LRRTM4: variants seen among roughly 807,000 people sequenced by gnomAD.
LRRTM4 encodes the protein leucine rich repeat transmembrane neuronal 4, also known as leucine-rich repeat transmembrane neuronal protein 4.
In LRRTM4, 25 loss-of-function variants were observed where a neutral mutation model predicts 47.6. The ratio of observed to expected loss-of-function variants is 0.53; its 90% CI spans 0.38 to 0.73. LRRTM4 has a LOEUF of 0.73. Among genes scored for constraint, LRRTM4 ranks in the 30% least tolerant of loss-of-function variants. LRRTM4 has a pLI of 0.00. For synonymous variants in LRRTM4, 311 were observed against 269.5 expected (o/e 1.15, Z -1.51); for missense variants, 638 against 713.4 (o/e 0.89, Z 1.20).
intron 3 of LRRTM4, among the ~76,000 whole-genome samples, chr2:77,472,528 T>G (rs1304511251): frequency 2.0e-5 from 3 of 152,038 alleles, no homozygotes; most frequent in Non-Finnish European, 4.4e-5. Context: ...CTTTTTTTTT[T>G]TCATCATTAT....
chr2:76,987,085 T>A lies in LRRTM4; in HGVS notation c.1552-238169A>T, dbSNP rs941743299. ...AATCTGGAGTATTTTCGAAGAATGA[T>A]ATGGGTTAGGAATAACAATTCTTAT... On this transcript the variant is annotated intron_variant, in intron 3 of 3. Transcript: ENST00000409884. Among the ~76,000 whole-genome samples the A allele has an allele frequency of 3.9e-5, 6 of 151,956 alleles. No individual in the cohort carries two copies. The East Asian group carries it at 7.7e-4, about 20-fold the overall frequency.
intron 3 of LRRTM4, among the ~76,000 whole-genome samples, chr2:77,018,785 G>A (rs1678164455): frequency 6.6e-6 from 1 of 152,126 alleles, no homozygotes; most frequent in East Asian, 1.9e-4. Context: ...GTTCTTTGAT[G>A]AAGTGTAACT....
At chr2:77,265,138 A>T (rs1457161829) in intron 3 of LRRTM4, among the ~76,000 whole-genome samples, 4 of 152,136 alleles carry the variant, frequency 2.6e-5, no homozygotes, top group Non-Finnish European at 5.9e-5. Context: ...GGAAAAATGC[A>T]TCAAGGCTAT....
At position 76,928,035 on chromosome 2, in the gene LRRTM4, A is replaced by G. The variant is rs1464339905; in HGVS notation, c.1552-179119T>C. Among the ~76,000 whole-genome samples the G allele has an allele frequency of 9.2e-5, 14 of 152,100 alleles. 1 individual carries two copies. The highest frequency in any genetic ancestry group is 3.3e-4 in the Admixed American group (5 of 15,240). On this transcript the variant is annotated intron_variant, in intron 3 of 3. Transcript: ENST00000409884. ...TGTCCCAATTGCCTTTCTAAATTTC[A>G]TGCTCCTGTAAGGCAGAGAATGTGC...
chr2:76,889,847 G>C (rs1458898750), intron 3 of LRRTM4, among the ~76,000 whole-genome samples: 3 of 151,756 alleles, frequency 2.0e-5, no homozygotes, highest in Middle Eastern at 3.2e-3. Context: ...AAGAGGGAGA[G>C]AGAGAGGTGA....
chr2:76,903,157 G>A (rs1198903070), intron 3 of LRRTM4, among the ~76,000 whole-genome samples: 5 of 152,196 alleles, frequency 3.3e-5, no homozygotes, highest in East Asian at 1.9e-4. Flanking sequence ...GGATCAAGAG[G>A]TCAGGAGATC....
intron 3 of LRRTM4, among the ~76,000 whole-genome samples, chr2:77,058,610 A>G (rs1314934557): frequency 6.6e-6 from 1 of 151,890 alleles, no homozygotes; most frequent in Non-Finnish European, 1.5e-5. Flanking sequence ...TCATCATTGT[A>G]TTCCCAATAT....
intron 3 of LRRTM4, among the ~76,000 whole-genome samples, chr2:77,212,365 T>C (rs904754218): frequency 1.3e-5 from 2 of 150,524 alleles, no homozygotes; most frequent in Non-Finnish European, 3.0e-5. Flanking sequence ...GATATATATA[T>C]ATATATAGTG....
chr2:77,325,866 C>T (rs1474461730), intron 3 of LRRTM4, among the ~76,000 whole-genome samples: 1 of 152,136 alleles, frequency 6.6e-6, no homozygotes, highest in Non-Finnish European at 1.5e-5. Context: ...TTCTGAAGAG[C>T]TTCAGGACAC....
At chr2:77,071,886 T>G (rs72807215) in intron 3 of LRRTM4, among the ~76,000 whole-genome samples, 6,032 of 152,238 alleles carry the variant, frequency 0.04, 238 homozygotes, top group African/African-American at 0.095. Context: ...CCAAGCTTCA[T>G]CTACATACCA....
At chr2:77,052,876 G>A (rs994689461) in intron 3 of LRRTM4, among the ~76,000 whole-genome samples, 1 of 151,658 alleles carries the variant, frequency 6.6e-6, no homozygotes, top group East Asian at 1.9e-4. Context: ...TTTTCTTCAG[G>A]GCATATACAA....
intron 3 of LRRTM4, among the ~76,000 whole-genome samples, chr2:76,974,164 A>ATG (rs1676320694): frequency 7.6e-6 from 1 of 132,242 alleles, no homozygotes; most frequent in Non-Finnish European, 1.5e-5. Context: ...ACATATATAT[A>ATG]TATACATACA....
intron 3 of LRRTM4, among the ~76,000 whole-genome samples, chr2:77,054,310 A>T (rs1476370344): frequency 6.6e-6 from 1 of 152,210 alleles, no homozygotes; most frequent in Non-Finnish European, 1.5e-5. Context: ...TACATTGTAC[A>T]TTGTTCAAAA....
chr2:77,049,157 T>TATATATATATATATAC (rs1351971551), intron 3 of LRRTM4, among the ~76,000 whole-genome samples: 6 of 106,344 alleles, frequency 5.6e-5, no homozygotes, highest in African/African-American at 1.0e-4. Context: ...TATATATATA[T>TATATATATATATATAC]ACACACACAC....
intron 3 of LRRTM4, among the ~76,000 whole-genome samples, chr2:76,879,929 G>C (rs571829038): frequency 6.6e-6 from 1 of 152,222 alleles, no homozygotes; most frequent in East Asian, 1.9e-4. Flanking sequence ...TGGAAACAGC[G>C]TAAGAACTAG....
At chr2:77,401,820 TG>T (rs1673971004) in intron 3 of LRRTM4, among the ~76,000 whole-genome samples, 1 of 152,068 alleles carries the variant, frequency 6.6e-6, no homozygotes, top group South Asian at 2.1e-4. Context: ...GTCTGTAACT[TG>T]TATCTTCTAC....
At chr2:76,789,958 G>C (rs541451916) in intron 3 of LRRTM4, among the ~76,000 whole-genome samples, 64 of 152,262 alleles carry the variant, frequency 4.2e-4, no homozygotes, top group African/African-American at 1.5e-3. Context: ...AGGACAACGG[G>C]TTGCTTGTTT....
At chr2:76,795,007 A>G (rs10196216) in intron 3 of LRRTM4, among the ~76,000 whole-genome samples, 24,265 of 151,826 alleles carry the variant, frequency 0.16, 2,094 homozygotes, top group African/African-American at 0.2. Flanking sequence ...ATAAAGAAAA[A>G]TATTACCAGA....
chr2:77,024,462 C>A (rs1444724041), intron 3 of LRRTM4, among the ~76,000 whole-genome samples: 1 of 147,762 alleles, frequency 6.8e-6, no homozygotes, highest in Non-Finnish European at 1.5e-5. Context: ...CTACCTCACA[C>A]ATGCATGTCA....
Sources: allele counts gnomAD v4.1 joint callset (sites outside exome capture counted in the v4.1 genomes callset), GRCh38; gene constraint gnomAD v4.1.1; transcripts MANE v1.5; gene names NCBI Gene and HGNC (gene_info 2026-07-23, HGNC 2026-07-21).